The following SNX8 variants were observed in gnomAD, a reference collection of about 807,000 sequenced individuals.
SNX8 encodes the protein sorting nexin-8.
A neutral mutation model predicts 51.6 loss-of-function variants in SNX8; 25 were observed. The observed-to-expected ratio is 0.48, with a 90% CI of 0.35 to 0.68. SNX8 has a LOEUF of 0.68. Ranked by LOEUF, SNX8 falls within the 30% of genes least tolerant of loss-of-function variation. The pLI, the probability that SNX8 is intolerant of heterozygous loss-of-function variation, is 0.00. For synonymous variants in SNX8, 324 were observed against 277.0 expected, an observed-to-expected ratio of 1.17 and a Z score of -1.68; for missense variants, 695 against 624.0, an observed-to-expected ratio of 1.11 and a Z score of -1.21.
chr7:2,347,168 T>C (rs1287248639), intron 1 of SNX8, among the ~76,000 whole-genome samples: 2 of 151,672 alleles, frequency 1.3e-5, no homozygotes, highest in Non-Finnish European at 2.9e-5. Flanking sequence ...GCCCCCACCA[T>C]CTCCACAAAA....
intron 1 of SNX8, among the ~76,000 whole-genome samples, chr7:2,337,806 T>C (rs1295649147): frequency 2.2e-5 from 3 of 139,194 alleles, no homozygotes; most frequent in African/African-American, 7.7e-5. Context: ...TTTTAGCTAA[T>C]TAGGAATATA....
chr7:2,294,241 C>G (rs1039470706), intron 1 of SNX8, among the ~76,000 whole-genome samples: 1 of 150,878 alleles, frequency 6.6e-6, no homozygotes, highest in Admixed American at 6.6e-5. Context: ...CCAGCCCAGG[C>G]GACAAGTGCA....
intron 1 of SNX8, among the ~76,000 whole-genome samples, chr7:2,304,098 C>T (rs1393393146): frequency 2.0e-5 from 3 of 147,662 alleles, no homozygotes; most frequent in Non-Finnish European, 4.5e-5. Context: ...ATCCAGGAGG[C>T]GGAGCTTGCA....
At chr7:2,258,610 G>A (rs1488928834) in intron 7 of SNX8, among the ~76,000 whole-genome samples, 2 of 152,224 alleles carry the variant, frequency 1.3e-5, no homozygotes, top group Admixed American at 1.3e-4. Context: ...TAACAGGAGA[G>A]AGAAACGCAG....
At chr7:2,339,939 A>G (rs544610758) in intron 1 of SNX8, among the ~76,000 whole-genome samples, 1 of 152,316 alleles carries the variant, frequency 6.6e-6, no homozygotes, top group African/African-American at 2.4e-5. Flanking sequence ...TTTATGGAAC[A>G]AAGAGTGCTC....
At chr7:2,333,420 C>T (rs1002047518) in intron 1 of SNX8, among the ~76,000 whole-genome samples, 1 of 151,184 alleles carries the variant, frequency 6.6e-6, no homozygotes, top group African/African-American at 2.4e-5. Context: ...AGTAGCTGGC[C>T]ATGGTGGTGT....
At chr7:2,341,571 C>T (rs1778926703) in intron 1 of SNX8, among the ~76,000 whole-genome samples, 1 of 152,086 alleles carries the variant, frequency 6.6e-6, no homozygotes. Context: ...CTTTGGGAGG[C>T]CGAGATGGGA....
chr7:2,338,336 C>A (rs558895596), intron 1 of SNX8, among the ~76,000 whole-genome samples: 1 of 152,146 alleles, frequency 6.6e-6, no homozygotes, highest in African/African-American at 2.4e-5. Context: ...GTGGCAGGTG[C>A]CTGTAATCCC....
At chr7:2,291,382 GAGCTCAGGAGTTCGAGACC>G (rs1796148050) in intron 1 of SNX8, among the ~76,000 whole-genome samples, 1 of 152,126 alleles carries the variant, frequency 6.6e-6, no homozygotes, top group Non-Finnish European at 1.5e-5. Context: ...CAGATCACCT[GAGCTCAGGAGTTCGAGACC>G]AGCATGGCCA....
At chr7:2,289,640 T>C (rs565929994) in intron 1 of SNX8, among the ~76,000 whole-genome samples, 2 of 152,154 alleles carry the variant, frequency 1.3e-5, no homozygotes, top group Non-Finnish European at 2.9e-5. Flanking sequence ...TTTAATGCGG[T>C]GAGGATACAT....
At chr7:2,300,072 C>CTG (rs760230013) in intron 1 of SNX8, among the ~76,000 whole-genome samples, 14 of 152,172 alleles carry the variant, frequency 9.2e-5, no homozygotes, top group Admixed American at 2.6e-4. Flanking sequence ...AAATTAGGAA[C>CTG]TGTGAAAAAT....
chr7:2,336,389 T>G (rs887486557), intron 1 of SNX8, among the ~76,000 whole-genome samples: 3 of 150,822 alleles, frequency 2.0e-5, no homozygotes, highest in African/African-American at 7.3e-5. Flanking sequence ...AACTTCAGCC[T>G]GTCTCAAAAA....
intron 1 of SNX8, among the ~76,000 whole-genome samples, chr7:2,308,724 T>C (rs1584728965): frequency 6.6e-6 from 1 of 150,934 alleles, no homozygotes; most frequent in Non-Finnish European, 1.5e-5. Context: ...CAGAAGGTTT[T>C]GTCCCTAATG....
Position 2,275,249 on chromosome 7 carries a change from G to A in SNX8, c.301-20C>T. Reference sequence around the variant, plus strand: ...GAAGCGCTGCAAGAGAAGGGTCGGTGCTTAGATCCGACGTTGGAAACTATG... The same window carrying A: ...GAAGCGCTGCAAGAGAAGGGTCGGTACTTAGATCCGACGTTGGAAACTATG... On this transcript the variant is annotated intron_variant, in intron 2 of 10. Transcript: ENST00000222990. The A allele has an allele frequency of 6.5e-7, 1 of 1,529,166 alleles. No homozygotes were observed. Among genetic ancestry groups the A allele is most frequent in the South Asian group, 1.1e-5 (1 of 89,436 alleles). 94.7% of individuals were successfully genotyped at this position (1,529,166 alleles called of 1,614,324 possible).
chr7:2,283,207 A>G (rs1795948941), intron 1 of SNX8, among the ~76,000 whole-genome samples: 2 of 152,118 alleles, frequency 1.3e-5, no homozygotes, highest in Non-Finnish European at 2.9e-5. Context: ...CACCTTCGCA[A>G]ATGCTGACCT....
In SNX8 at chr7:2,268,270, G is replaced by A. The variant is rs1301620665; in HGVS notation, c.621+1289C>T. On this transcript the variant is annotated intron_variant, in intron 5 of 10. Transcript: ENST00000222990. ...AGGTGAGGAGCGTCTCTGCCCGGCC[G>A]CCCCGTCTGAGAAGTGAGGAGACCC... is the stretch of plus-strand genomic sequence containing the variant. Among the ~76,000 whole-genome samples, 9 of 141,374 alleles carry A rather than the reference G, an allele frequency of 6.4e-5. No individual in the cohort carries two copies. In the East Asian group the frequency reaches 9.1e-4, roughly 14 times the overall value. The allele number at this position is 141,374 out of a possible 152,430, so 92.7% of individuals were successfully genotyped here. A position where few individuals can be genotyped will look rare whatever the true frequency, so the allele number is the denominator to read the frequency against.
At position 2,269,510 on chromosome 7, in the gene SNX8, T is replaced by C. The variant is rs751070357; in HGVS notation, c.621+49A>G. 136 of 920,992 alleles carry C rather than the reference T, an allele frequency of 1.5e-4. No individual in the cohort carries two copies. The African/African-American group carries it at 3.8e-3, about 26-fold the overall frequency. 57.1% of individuals were successfully genotyped at this position (920,992 alleles called of 1,614,324 possible). A position where few individuals can be genotyped will look rare whatever the true frequency, so the allele number is the denominator to read the frequency against. ...GCGAGAAACACCCAAGAATGATCAA[T>C]AAAAAAATAAATTAAAAAAAAAAAA... On this transcript the variant is annotated intron_variant, in intron 5 of 10. Coordinates refer to ENST00000222990, the MANE Select transcript of SNX8 (RefSeq NM_013321.4).
intron 9 of SNX8, 70 bp downstream of exon 9, chr7:2,257,295 G>A (rs1795210950): frequency 2.0e-6 from 3 of 1,524,480 alleles, no homozygotes; most frequent in East Asian, 2.3e-5. Context: ...CCACCAGGAC[G>A]GCTCCGGGTC....
At chr7:2,297,341 AG>A (rs2115177929) in intron 1 of SNX8, among the ~76,000 whole-genome samples, 1 of 151,832 alleles carries the variant, frequency 6.6e-6, no homozygotes, top group South Asian at 2.1e-4. Flanking sequence ...ACTTGAGGTC[AG>A]GAGTTCGAGA....
Sources: gnomAD v4.1 joint callset for allele counts (sites outside exome capture counted in the v4.1 genomes callset) on GRCh38, gnomAD v4.1.1 for gene constraint, MANE v1.5 for transcripts, NCBI Gene and HGNC (gene_info 2026-07-23, HGNC 2026-07-21) for gene names.